C12orf76: variants seen among roughly 807,000 people sequenced by gnomAD.
C12orf76 encodes the protein uncharacterized protein C12orf76.
A neutral mutation model predicts 6.8 loss-of-function variants in C12orf76; 6 were observed. The observed-to-expected ratio is 0.88, with a 90% CI of 0.48 to 1.73. The LOEUF (loss-of-function observed/expected upper bound fraction) is 1.73, where lower values mean the gene tolerates loss of function less well. C12orf76 is among the 40% of genes most tolerant of loss of function. The pLI is 0.01. For missense variants in C12orf76, 99 were observed against 98.2 expected (o/e 1.01, Z -0.03); for synonymous variants, 56 against 43.7 (o/e 1.28, Z -1.11).
chr12:110,066,153 C>G, intron 1 of C12orf76: 1 of 1,301,796 alleles, frequency 7.7e-7, no homozygotes, highest in South Asian at 1.5e-5. Context: ...AGGCGGATCA[C>G]TTGAGGCCAG....
At position 110,042,320 on chromosome 12, in the gene C12orf76, G is replaced by A. The variant is rs1444399618; in HGVS notation, c.*54C>T. 3 of 1,471,768 alleles carry A rather than the reference G, an allele frequency of 2.0e-6. No individual in the cohort carries two copies. Among genetic ancestry groups the A allele is most frequent in the Admixed American group, 3.4e-5 (2 of 59,566 alleles). 91.2% of individuals were successfully genotyped at this position (1,471,768 alleles called of 1,614,324 possible). On this transcript the variant is annotated 3_prime_UTR_variant, in exon 2 of 2. Coordinates refer to ENST00000615315, the MANE Select transcript of C12orf76 (RefSeq NM_001389625.1). ...GGTTCCAACTTCTCCACTGGCCTGT[G>A]TGCAACACAACTTATCCTATTCCCA... is the stretch of plus-strand genomic sequence containing the variant.
upstream of C12orf76, among the ~76,000 whole-genome samples, chr12:110,068,313 GAAGAAGAAGAAGAAGA>G (rs1566080242): frequency 2.0e-4 from 29 of 145,876 alleles, no homozygotes; most frequent in African/African-American, 6.5e-4. Flanking sequence ...AGAAGAAGAA[GAAGAAGAAGAAGAAGA>G]AGGCGGCCAA....
chr12:110,045,970 T>C (rs576708101), intron 1 of C12orf76: 29 of 198,750 alleles, frequency 1.5e-4, no homozygotes, highest in African/African-American at 5.4e-4. Flanking sequence ...AAAATAATAA[T>C]AAAAATAAAG....
intron 4 of C12orf76, among the ~76,000 whole-genome samples, chr12:110,055,418 G>A (rs998113627): frequency 3.3e-5 from 5 of 152,072 alleles, no homozygotes; most frequent in Admixed American, 3.3e-4. Context: ...TGTTGGCCAA[G>A]CTGGTCTCGA....
intron 4 of C12orf76, among the ~76,000 whole-genome samples, chr12:110,055,595 A>G (rs1010516149): frequency 7.2e-5 from 11 of 152,130 alleles, no homozygotes; most frequent in African/African-American, 2.4e-4. Flanking sequence ...AGACAGGGGA[A>G]TTGCAATAGA....
chr12:110,070,416 A>T (rs952668868), upstream of C12orf76, among the ~76,000 whole-genome samples: 26 of 152,094 alleles, frequency 1.7e-4, no homozygotes, highest in Non-Finnish European at 3.1e-4. Flanking sequence ...ACAATAAAAA[A>T]TTAGCCAGGC....
At chr12:110,065,069 C>A (rs192744989) in intron 2 of C12orf76, among the ~76,000 whole-genome samples, 1 of 151,830 alleles carries the variant, frequency 6.6e-6, no homozygotes, top group African/African-American at 2.4e-5. Flanking sequence ...TGGTAGTAGG[C>A]GGTGTTTAAT....
At chr12:110,045,598 AAAAAAC>A (rs1209707551) in intron 1 of C12orf76, among the ~76,000 whole-genome samples, 2 of 151,378 alleles carry the variant, frequency 1.3e-5, no homozygotes, top group African/African-American at 2.4e-5. Flanking sequence ...AATAAAAAAT[AAAAAAC>A]TTAAAACTCC....
chr12:110,069,566 C>G (rs779276547), upstream of C12orf76, among the ~76,000 whole-genome samples: 36 of 152,222 alleles, frequency 2.4e-4, no homozygotes, highest in Non-Finnish European at 5.0e-4. Flanking sequence ...ATTTCTAGCT[C>G]CGGAACAAGT....
At chr12:110,068,617 C>T (rs1008083051), upstream of C12orf76, among the ~76,000 whole-genome samples, 11 of 152,234 alleles carry the variant, frequency 7.2e-5, no homozygotes, top group Non-Finnish European at 1.2e-4. Flanking sequence ...CCTCTGACTC[C>T]AGATCTGAAC....
chr12:110,066,830 C>T (rs948093478), intron 1 of C12orf76, among the ~76,000 whole-genome samples: 1 of 152,198 alleles, frequency 6.6e-6, no homozygotes, highest in African/African-American at 2.4e-5. Flanking sequence ...GGTGTGTGGC[C>T]ACCCACTGGG....
chr12:110,064,465 T>A (rs1255841308), intron 2 of C12orf76, among the ~76,000 whole-genome samples: 1 of 152,192 alleles, frequency 6.6e-6, no homozygotes, highest in African/African-American at 2.4e-5. Context: ...GGCCAATACA[T>A]GTCACATGCT....
upstream of C12orf76, chr12:110,051,423 C>A (rs1593245733): frequency 9.9e-6 from 6 of 605,790 alleles, no homozygotes; most frequent in East Asian, 1.6e-4. Flanking sequence ...AAGCTGCTGC[C>A]CCCAATCTCA....
At chr12:110,065,621 A>T (rs1892845922) in intron 2 of C12orf76, among the ~76,000 whole-genome samples, 1 of 152,032 alleles carries the variant, frequency 6.6e-6, no homozygotes, top group Non-Finnish European at 1.5e-5. Context: ...ATTCCAGCCC[A>T]AGTCTCCATC....
chr12:110,050,905 G>A, upstream of C12orf76: 1 of 639,372 alleles, frequency 1.6e-6, no homozygotes, highest in South Asian at 1.8e-5. Context: ...ACGTATTTCT[G>A]GCAACCACAG....
At chr12:110,048,705 C>A (rs1016745589), upstream of C12orf76, 2 of 1,224,084 alleles carry the variant, frequency 1.6e-6, no homozygotes, top group African/African-American at 1.6e-5. Flanking sequence ...GACCAACTTT[C>A]CGTTCAGATC....
In C12orf76 at chr12:110,073,184, G is replaced by C. The variant is rs561848671; in HGVS notation, n.213+238C>G. The stretch of plus-strand genomic sequence containing the variant: ...ACACCCTGCCCTGCTCTCCCTGGCG[G>C]GCCTGGAGTAGATCAGAAATGAATC... On this transcript the variant is annotated intron_variant and non_coding_transcript_variant, in intron 1 of 1. Transcript: ENST00000548936. Among the ~76,000 whole-genome samples, 27 of 152,170 alleles carry C rather than the reference G, an allele frequency of 1.8e-4. No individual in the cohort carries two copies. The East Asian group carries it at 2.1e-3, about 12-fold the overall frequency.
chr12:110,043,345 A>C (rs1412642092), intron 1 of C12orf76, among the ~76,000 whole-genome samples: 1 of 151,552 alleles, frequency 6.6e-6, no homozygotes, highest in Non-Finnish European at 1.5e-5. Flanking sequence ...GGCTGTAGGC[A>C]AAGGAATGAC....
chr12:110,045,031 AGAAG>A (rs1165239022), intron 1 of C12orf76, among the ~76,000 whole-genome samples: 2 of 152,240 alleles, frequency 1.3e-5, no homozygotes, highest in African/African-American at 2.4e-5. Context: ...GTGAGGGGGA[AGAAG>A]GAAGGAGAAG....
Sources: gnomAD v4.1 joint callset for allele counts (sites outside exome capture counted in the v4.1 genomes callset) on GRCh38, gnomAD v4.1.1 for gene constraint, MANE v1.5 for transcripts, NCBI Gene and HGNC (gene_info 2026-07-23, HGNC 2026-07-21) for gene names.